Variants in VILL observed in about 807,000 individuals in gnomAD.
VILL encodes the protein villin like.
In VILL, 102 loss-of-function variants were observed where a neutral mutation model predicts 106.3. That is an observed-to-expected ratio of 0.96 (90% CI 0.82 to 1.13). The LOEUF is 1.13. Among genes scored for constraint, VILL ranks in the 50% most tolerant of loss-of-function variants. The pLI, the probability that VILL is intolerant of heterozygous loss-of-function variation, is 0.00. For missense variants in VILL, 1,076 were observed against 1,116.6 expected (o/e 0.96, Z 0.52); for synonymous variants, 431 against 440.3 (o/e 0.98, Z 0.27).
chr3:37,995,152 T>C (rs1405254447), intron 4 of VILL, among the ~76,000 whole-genome samples: 1 of 152,272 alleles, frequency 6.6e-6, no homozygotes, highest in East Asian at 1.9e-4. Context: ...TTTATGTTAC[T>C]GTGCTGGTAG....
chr3:37,992,812 C>A (rs548008413), intron 1 of VILL, among the ~76,000 whole-genome samples: 1 of 152,184 alleles, frequency 6.6e-6, no homozygotes, highest in African/African-American at 2.4e-5. Context: ...CAGGGCCAAA[C>A]CAGGGGCCCT....
In VILL at chr3:37,993,922, G is replaced by A; in HGVS notation, c.85G>A (p.Glu29Lys). The A allele has an allele frequency of 1.2e-6, 2 of 1,614,176 alleles. No homozygotes were observed. Among genetic ancestry groups the A allele is most frequent in the Admixed American group, 1.7e-5 (1 of 60,028 alleles). Residue 29 changes from glutamate to lysine, a missense_variant, in exon 3 of 20, where the codon GAG becomes AAG. Physicochemically the swap from Glu to Lys is moderately conservative, Grantham distance 56. Transcript: ENST00000383759. ...SENRKMVPVP[E>K]GAYGNFFEEH... is the part of the protein sequence containing the mutation. Reference sequence around the variant, plus strand: ...GAACCGGAAGATGGTGCCGGTACCCGAGGGGGCTTACGGGAACTTTTTTGA... The same window carrying A: ...GAACCGGAAGATGGTGCCGGTACCCAAGGGGGCTTACGGGAACTTTTTTGA...
chr3:38,004,419 C>G lies in VILL; in HGVS notation c.1950+20C>G, dbSNP rs772100047. On this transcript the variant is annotated intron_variant, in intron 16 of 19. Coordinates refer to ENST00000383759, the MANE Select transcript of VILL (RefSeq NM_015873.4). ...CAGGAGGTAAGGTGGCCATCCCTGC[C>G]TGGTGGGGCTGTGAACGGGGGTGTG... The G allele has an allele frequency of 5.6e-6, 9 of 1,597,424 alleles. No individual in the cohort carries two copies. The highest frequency in any genetic ancestry group is 7.7e-6 in the Non-Finnish European group (9 of 1,166,342).
At chr3:38,005,115 G>T (rs1415815087) in intron 16 of VILL, among the ~76,000 whole-genome samples, 1 of 152,092 alleles carries the variant, frequency 6.6e-6, no homozygotes, top group East Asian at 1.9e-4. Flanking sequence ...TGTGTAAGCT[G>T]CAATAATGTG....
chr3:37,994,260 G>A lies in VILL; in HGVS notation c.136-1G>A. The A allele has an allele frequency of 1.2e-6, 2 of 1,605,478 alleles. No homozygotes were observed. Among genetic ancestry groups the A allele is most frequent in the Non-Finnish European group, 8.5e-7 (1 of 1,178,190 alleles). On this transcript the variant is annotated splice_acceptor_variant, in intron 3 of 19. Transcript: ENST00000383759. LOFTEE classifies it high-confidence loss of function. Reference sequence around the variant, plus strand: ...CATATACACAAACACCCGGACCCTAGGTCCCCCAGAGCCCGAAGGCCACGC... The same window carrying A: ...CATATACACAAACACCCGGACCCTAAGTCCCCCAGAGCCCGAAGGCCACGC...
At chr3:38,000,178 T>A (rs1011354914) in intron 11 of VILL, among the ~76,000 whole-genome samples, 2 of 152,214 alleles carry the variant, frequency 1.3e-5, no homozygotes, top group African/African-American at 4.8e-5. Flanking sequence ...GCTGGGCCTA[T>A]GCGAGGGGTC....
At chr3:38,006,368 A>G (rs1040953614) in intron 18 of VILL, 81 bp from the exon 19 acceptor site, 10 of 1,596,794 alleles carry the variant, frequency 6.3e-6, no homozygotes, top group South Asian at 3.4e-5. Context: ...GTTGGAGGTA[A>G]GAGGCCTGTG....
intron 11 of VILL, 57 bp downstream of exon 11, chr3:37,999,496 A>G: frequency 4.4e-6 from 6 of 1,355,406 alleles, no homozygotes; most frequent in Non-Finnish European, 5.9e-6. Context: ...AGCTTTGCCT[A>G]CAGGTAAACG....
chr3:37,999,165 C>T (rs1396962644), intron 10 of VILL, 115 bp downstream of exon 10: 2 of 346,374 alleles, frequency 5.8e-6, no homozygotes, highest in Non-Finnish European at 4.3e-6. Flanking sequence ...CCGGAGGGGG[C>T]GGGGCCTGGT....
At position 38,001,727 on chromosome 3, in the gene VILL, T is replaced by C. The variant is rs1049501996; in HGVS notation, c.1346T>C (p.Ile449Thr). The stretch of plus-strand genomic sequence containing the variant: ...GGCCACCAGGCCACTGCGGATGAGA[T>C]TGAGGCCCTGAACAGCAACGCTGAG... ...WQGHQATADE[I>T]EALNSNAEEL... Residue 449 changes from isoleucine to threonine, a missense_variant, in exon 13 of 20, where the codon ATT (isoleucine) becomes ACT (threonine). Ile to Thr is a moderately conservative substitution (Grantham distance 89, BLOSUM62 -1). Coordinates refer to ENST00000383759, the MANE Select transcript of VILL (RefSeq NM_015873.4). The C allele has an allele frequency of 3.1e-6, 5 of 1,614,098 alleles. No homozygotes were observed. Among genetic ancestry groups the C allele is most frequent in the Non-Finnish European group, 4.2e-6 (5 of 1,180,026 alleles).
intron 4 of VILL, 123 bp from the exon 5 acceptor site, chr3:37,995,616 C>A (rs1256524928): frequency 2.7e-6 from 2 of 734,572 alleles, no homozygotes; most frequent in Non-Finnish European, 4.7e-6. Flanking sequence ...CACACAGACT[C>A]CAGTGCATGT....
At position 38,003,198 on chromosome 3, in the gene VILL, C is replaced by T. The variant is rs757687379; in HGVS notation, c.1690C>T (p.Arg564Trp). Residue 564 changes from arginine to tryptophan, a missense_variant, in exon 15 of 20, where the codon CGG becomes TGG. Coordinates refer to ENST00000383759, the MANE Select transcript of VILL (RefSeq NM_015873.4). ...GCNGDQREMA[R>W]VVVTVISRKN... ...TAATGGTGATCAGCGTGAGATGGCACGGGTGGTGGTCACTGTCATTTCCAG... is the reference window on the plus strand; with the variant it reads ...TAATGGTGATCAGCGTGAGATGGCATGGGTGGTGGTCACTGTCATTTCCAG... 6.8e-6 allele frequency: 11 copies of T among 1,613,888 alleles called. No individual in the cohort carries two copies. The highest frequency in any genetic ancestry group is 3.3e-5 in the Admixed American group (2 of 59,994).
intron 16 of VILL, 40 bp downstream of exon 16, chr3:38,004,439 G>C: frequency 1.3e-6 from 2 of 1,588,016 alleles, no homozygotes; most frequent in Admixed American, 1.7e-5. Context: ...TGTGAACGGG[G>C]GTGTGTTTCT....
intron 15 of VILL, 49 bp from the exon 16 acceptor site, chr3:38,004,206 T>C: frequency 6.4e-7 from 1 of 1,574,500 alleles, no homozygotes; most frequent in Non-Finnish European, 8.7e-7. Flanking sequence ...TGCCATGGGC[T>C]GGGGTGCCCC....
chr3:37,989,470 G>A (rs531233997), upstream of VILL, among the ~76,000 whole-genome samples: 128 of 152,352 alleles, frequency 8.4e-4, 1 homozygote, highest in African/African-American at 2.7e-3. Flanking sequence ...GCCTGAAGGA[G>A]ACAGGTGGAG....
intron 1 of VILL, chr3:37,993,271 A>G (rs778568701): frequency 2.0e-4 from 37 of 189,694 alleles, no homozygotes; most frequent in Non-Finnish European, 3.9e-4. Context: ...GGCTGTTTGC[A>G]GAGCCTGTGT....
Position 38,006,515 on chromosome 3 carries a change from G to A in VILL, c.2272G>A (p.Ala758Thr), listed in dbSNP as rs1468277776. ...NGRAGAVALQALKGSQDSSEN... is the reference protein window; with the variant it reads ...NGRAGAVALQTLKGSQDSSEN... ...CAGGGCAGGTGCCGTGGCCCTGCAG[G>A]CCCTCAAGGGCTCCCAGGACAGCTC... The change falls in exon 19 of 20, where the codon GCC becomes ACC. Residue 758 changes from alanine (A) to threonine (T), a missense_variant. Transcript: ENST00000383759. 7.4e-6 allele frequency: 12 copies of A among 1,612,284 alleles called. No homozygotes were observed. Among genetic ancestry groups the A allele is most frequent in the East Asian group, 2.2e-5 (1 of 44,806 alleles).
Position 38,001,591 on chromosome 3 carries a change from C to A in VILL, c.1318C>A (p.Gln440Lys). The change falls in exon 12 of 20, where the codon CAG becomes AAG. Residue 440 changes from glutamine (Q) to lysine (K), a missense_variant and splice_region_variant. By Grantham distance (53) the Gln-to-Lys change is moderately conservative. Transcript: ENST00000383759. ...TGTCCAGTACATCCTGTACCTATGG[C>A]AGGTGTGCCAGCCTGAGGGAGGCAG... ...GRVQYILYLW[Q>K]GHQATADEIE... is the part of the protein sequence containing the mutation. 1.2e-6 allele frequency: 2 copies of A among 1,614,062 alleles called. No homozygotes were observed. The highest frequency in any genetic ancestry group is 1.7e-6 in the Non-Finnish European group (2 of 1,179,974).
chr3:37,990,212 C>T (rs763807327), upstream of VILL, among the ~76,000 whole-genome samples: 5 of 152,214 alleles, frequency 3.3e-5, no homozygotes, highest in Non-Finnish European at 5.9e-5. This position sits in a 1 kb window ranked among gnomAD's most constrained non-coding sequence, Gnocchi z 5.1. Context: ...GCTGCAAGAG[C>T]TGGACTGGCC....
Sources: gnomAD v4.1 joint callset for allele counts (sites outside exome capture counted in the v4.1 genomes callset) on GRCh38, gnomAD v4.1.1 for gene constraint, Gnocchi (gnomAD v3.1) non-coding constraint, MANE v1.5 for transcripts, NCBI Gene and HGNC (gene_info 2026-07-23, HGNC 2026-07-21) for gene names.